TIAL1: variants seen among roughly 807,000 people sequenced by gnomAD.
TIAL1 encodes the protein nucleolysin TIAR.
TIAL1 carries 7 observed loss-of-function variants against 59.7 expected under a neutral mutation model. That is an observed-to-expected ratio of 0.12 (90% CI 0.07 to 0.22). The LOEUF is 0.22. Ranked by LOEUF, TIAL1 falls within the 10% of genes least tolerant of loss-of-function variation. The pLI is 1.00. For missense variants in TIAL1, 225 were observed against 462.5 expected, an observed-to-expected ratio of 0.49 and a Z score of 4.71; for synonymous variants, 149 against 146.3, an observed-to-expected ratio of 1.02 and a Z score of -0.13.
At chr10:119,583,147 G>A (rs186176706) in intron 2 of TIAL1, among the ~76,000 whole-genome samples, 142 of 152,230 alleles carry the variant, frequency 9.3e-4, no homozygotes, top group African/African-American at 2.9e-3. Context: ...TTTATAACCA[G>A]CTACTGAAAT....
At chr10:119,590,766 A>AAGAGAGAAAGAGAGAAAGAG (rs775353956) in intron 1 of TIAL1, among the ~76,000 whole-genome samples, 14 of 56,488 alleles carry the variant, frequency 2.5e-4, no homozygotes, top group African/African-American at 1.4e-3. Flanking sequence ...GAAAGAGAGA[A>AAGAGAGAAAGAGAGAAAGAG]AGAAAGAAAG....
intron 1 of TIAL1, among the ~76,000 whole-genome samples, chr10:119,590,467 T>C (rs1437086487): frequency 6.6e-6 from 1 of 152,056 alleles, no homozygotes; most frequent in African/African-American, 2.4e-5. Context: ...ATCCCAGCAC[T>C]TTGGGAGGCT....
In TIAL1 at chr10:119,596,502, G is replaced by A. The variant is rs775208454; in HGVS notation, c.-37C>T. ...CGGAGCGATCCCGGGACAAGGGGGA[G>A]GGCAGGGTTGGGGAGGGGAGGGGGT... is the stretch of plus-strand genomic sequence containing the variant. On this transcript the variant is annotated 5_prime_UTR_variant, in exon 1 of 12. Transcript: ENST00000436547. 2 of 1,252,480 alleles carry A rather than the reference G, an allele frequency of 1.6e-6. No homozygotes were observed. The highest frequency in any genetic ancestry group is 2.6e-5 in the South Asian group (2 of 78,214). The allele number at this position is 1,252,480 out of a possible 1,614,324, so 77.6% of individuals were successfully genotyped here. A position where few individuals can be genotyped will look rare whatever the true frequency, so the allele number is the denominator to read the frequency against.
Position 119,577,175 on chromosome 10 carries a change from C to T in TIAL1, c.766G>A (p.Ala256Thr). The T allele has an allele frequency of 6.2e-7, 1 of 1,609,176 alleles. No individual in the cohort carries two copies. The highest frequency in any genetic ancestry group is 1.7e-5 in the Admixed American group (1 of 58,598). ...GTAGTACCGTTCACCGAAACAATGG[C>T]ATGGGCTGCACTTTCATGGGTTGAA... ...RFSTHESAAH[A>T]IVSVNGTTIE... The change falls in exon 10 of 12, where the codon GCC becomes ACC. Residue 256 changes from alanine (A) to threonine (T), a missense_variant. By Grantham distance (58) the Ala-to-Thr change is moderately conservative. Transcript: ENST00000436547.
chr10:119,587,442 T>C (rs2133987769), intron 2 of TIAL1, among the ~76,000 whole-genome samples: 1 of 152,322 alleles, frequency 6.6e-6, no homozygotes, highest in African/African-American at 2.4e-5. Context: ...CTGCACTGGA[T>C]ACACATTTGC....
Position 119,582,762 on chromosome 10 carries a change from T to A in TIAL1, c.130-205A>T, listed in dbSNP as rs1407074426. On this transcript the variant is annotated intron_variant, in intron 2 of 11. Coordinates refer to ENST00000436547, the MANE Select transcript of TIAL1 (RefSeq NM_003252.4). The surrounding 1 kb of genome is among the most constrained non-coding windows in gnomAD (Gnocchi z 5.1). ...ATACTGCTGAACTCAAACGGAACTA[T>A]AAAAGCAGTTGTAGAATCATGAGCA... Among the ~76,000 whole-genome samples the A allele has an allele frequency of 6.6e-6, 1 of 152,142 alleles. No homozygotes were observed. Among genetic ancestry groups the A allele is most frequent in the East Asian group, 1.9e-4 (1 of 5,208 alleles).
intron 1 of TIAL1, among the ~76,000 whole-genome samples, chr10:119,593,767 GAAA>G (rs1326114428): frequency 6.6e-6 from 1 of 151,948 alleles, no homozygotes; most frequent in African/African-American, 2.4e-5. Flanking sequence ...CGTACACTTA[GAAA>G]AACTATGCAT....
In TIAL1 at chr10:119,596,503, G is replaced by T; in HGVS notation, c.-38C>A. The T allele has an allele frequency of 7.7e-7, 1 of 1,298,576 alleles. No individual in the cohort carries two copies. Among genetic ancestry groups the T allele is most frequent in the South Asian group, 1.3e-5 (1 of 79,060 alleles). The allele number at this position is 1,298,576 out of a possible 1,614,324, so 80.4% of individuals were successfully genotyped here. On this transcript the variant is annotated 5_prime_UTR_variant, in exon 1 of 12. Transcript: ENST00000436547. ...GGAGCGATCCCGGGACAAGGGGGAG[G>T]GCAGGGTTGGGGAGGGGAGGGGGTG... is the stretch of plus-strand genomic sequence containing the variant.
In TIAL1 at chr10:119,575,870, A is replaced by T. The variant is rs1013996797; in HGVS notation, c.1002-79T>A. ...ATGTATTTACACAAAAATCAAGCAG[A>T]GCCTAATCACAGAATAGAAAACCAG... On this transcript the variant is annotated intron_variant, in intron 11 of 11. Transcript: ENST00000436547. 11 of 1,407,622 alleles carry T rather than the reference A, an allele frequency of 7.8e-6. No homozygotes were observed. In the Admixed American group the frequency reaches 2.5e-4, roughly 32 times the overall value. 87.2% of individuals were successfully genotyped at this position (1,407,622 alleles called of 1,614,324 possible). A position where few individuals can be genotyped will look rare whatever the true frequency, so the allele number is the denominator to read the frequency against.
intron 10 of TIAL1, 102 bp downstream of exon 10, chr10:119,576,978 A>T: frequency 6.9e-7 from 1 of 1,444,434 alleles, no homozygotes; most frequent in Non-Finnish European, 9.3e-7. Context: ...AACTGAAAGT[A>T]GCTATATGCT....
At chr10:119,586,182 C>T (rs1268493972) in intron 2 of TIAL1, among the ~76,000 whole-genome samples, 2 of 152,206 alleles carry the variant, frequency 1.3e-5, no homozygotes, top group African/African-American at 4.8e-5. Context: ...TTAAATCTAA[C>T]ATCCAAAACA....
At chr10:119,594,280 G>A (rs904163350) in intron 1 of TIAL1, among the ~76,000 whole-genome samples, 3 of 152,184 alleles carry the variant, frequency 2.0e-5, no homozygotes, top group Non-Finnish European at 4.4e-5. Context: ...GGAAATAAGT[G>A]ACAAAGAAGT....
intron 1 of TIAL1, among the ~76,000 whole-genome samples, chr10:119,590,772 GAAAGAAAGAAA>G (rs1845826850): frequency 9.1e-6 from 1 of 110,282 alleles, no homozygotes; most frequent in Non-Finnish European, 1.9e-5. Context: ...GAGAAAGAAA[GAAAGAAAGAAA>G]GAAAGAAAGA....
chr10:119,581,158 T>C lies in TIAL1; in HGVS notation c.371+764A>G, dbSNP rs915871792. Among the ~76,000 whole-genome samples the C allele has an allele frequency of 3.3e-4, 50 of 152,170 alleles. 1 individual carries two copies. The highest frequency in any genetic ancestry group is 1.1e-3 in the African/African-American group (47 of 41,568). Reference sequence around the variant, plus strand: ...ATGTTTAATTTAAATCTACAGGAAATATACAAAATAAACTGATTTTAATCA... The same window carrying C: ...ATGTTTAATTTAAATCTACAGGAAACATACAAAATAAACTGATTTTAATCA... On this transcript the variant is annotated intron_variant, in intron 5 of 11. Coordinates refer to ENST00000436547, the MANE Select transcript of TIAL1 (RefSeq NM_003252.4).
chr10:119,594,462 T>A (rs555874959), intron 1 of TIAL1, among the ~76,000 whole-genome samples: 1 of 152,338 alleles, frequency 6.6e-6, no homozygotes, highest in Non-Finnish European at 1.5e-5. Context: ...TTATCAATCA[T>A]TCAGTGTGTG....
chr10:119,590,671 T>C (rs906867357), intron 1 of TIAL1, among the ~76,000 whole-genome samples: 7 of 150,390 alleles, frequency 4.7e-5, no homozygotes, highest in Admixed American at 2.0e-4. Context: ...GATTGCACCA[T>C]TGCACTCCAA....
intron 2 of TIAL1, among the ~76,000 whole-genome samples, chr10:119,584,077 T>C (rs10886515): frequency 0.35 from 53,727 of 152,056 alleles, 10,172 homozygotes; most frequent in East Asian, 0.61. Flanking sequence ...ACAGCAGATC[T>C]ATGATAATCC....
Position 119,577,155 on chromosome 10 carries a change from A to G in TIAL1, c.786T>C (p.Gly262=), listed in dbSNP as rs759515028. The G allele has an allele frequency of 6.2e-7, 1 of 1,613,386 alleles. No homozygotes were observed. The highest frequency in any genetic ancestry group is 8.5e-7 in the Non-Finnish European group (1 of 1,179,834). Residue 262 remains glycine, a synonymous_variant, in exon 10 of 12, where the codon GGT becomes GGC. Transcript: ENST00000436547. The stretch of plus-strand genomic sequence containing the variant: ...TAACCACATGTCCTTCAATCGTAGT[A>G]CCGTTCACCGAAACAATGGCATGGG... The part of the protein sequence containing the change: ...SAAHAIVSVN[G]TTIEGHVVKC...
chr10:119,587,628 C>CAA (rs565979963), intron 2 of TIAL1, among the ~76,000 whole-genome samples: 1 of 130,944 alleles, frequency 7.6e-6, no homozygotes, highest in Non-Finnish European at 1.7e-5. Context: ...GGAAATAGTC[C>CAA]AAAAAAAAAA....
Sources: allele counts gnomAD v4.1 joint callset (sites outside exome capture counted in the v4.1 genomes callset), GRCh38; gene constraint gnomAD v4.1.1; non-coding constraint Gnocchi (gnomAD v3.1); transcripts MANE v1.5; gene names NCBI Gene and HGNC (gene_info 2026-07-23, HGNC 2026-07-21).